The following HELZ variants were observed in gnomAD, a reference collection of about 807,000 sequenced individuals.
HELZ encodes helicase with zinc finger, also known as ATP-dependent RNA helicase with zinc finger domain.
In HELZ, 23 loss-of-function variants were observed where a neutral mutation model predicts 218.2. The observed-to-expected ratio is 0.11, with a 90% CI of 0.08 to 0.15. HELZ has a LOEUF of 0.15. Ranked by LOEUF, HELZ falls within the 10% of genes least tolerant of loss-of-function variation. The pLI is 1.00. For synonymous variants in HELZ, 814 were observed against 829.4 expected (o/e 0.98, Z 0.32); for missense variants, 1,813 against 2,353.7 (o/e 0.77, Z 4.75).
chr17:67,228,967 C>G (rs1398661342), intron 3 of HELZ, among the ~76,000 whole-genome samples: 1 of 152,116 alleles, frequency 6.6e-6, no homozygotes, highest in Non-Finnish European at 1.5e-5. Flanking sequence ...ATCCGCCCGC[C>G]TCGGCCACCC....
chr17:67,122,924 C>T, intron 26 of HELZ, 46 bp downstream of exon 26: 2 of 1,384,838 alleles, frequency 1.4e-6, no homozygotes, highest in Non-Finnish European at 2.0e-6. Context: ...TTTAGTGAAA[C>T]CTATTTTACT....
At position 67,166,006 on chromosome 17, in the gene HELZ, T is replaced by C. The variant is rs529417222; in HGVS notation, c.1895+472A>G. Among the ~76,000 whole-genome samples the C allele has an allele frequency of 2.6e-5, 4 of 152,230 alleles. No homozygotes were observed. In the South Asian group the frequency reaches 6.2e-4, roughly 24 times the overall value. ...TTTTAATCAGCCAGACACAGTGGCA[T>C]GTGTCTATAATCCTAGCTACTCAGA... On this transcript the variant is annotated intron_variant, in intron 15 of 32. Transcript: ENST00000358691.
At chr17:67,101,551 A>G (rs1007894437) in intron 31 of HELZ, among the ~76,000 whole-genome samples, 1 of 152,234 alleles carries the variant, frequency 6.6e-6, no homozygotes, top group African/African-American at 2.4e-5. Context: ...TCTTACTCAG[A>G]GGTTAGAGTA....
chr17:67,211,524 A>G (rs1007733830), intron 5 of HELZ, among the ~76,000 whole-genome samples: 16 of 152,136 alleles, frequency 1.1e-4, no homozygotes, highest in African/African-American at 3.1e-4. Context: ...TTATTATATC[A>G]TTTACTCTAC....
At chr17:67,092,497 ACAGC>A (rs2036601828) in intron 31 of HELZ, among the ~76,000 whole-genome samples, 1 of 152,224 alleles carries the variant, frequency 6.6e-6, no homozygotes, top group African/African-American at 2.4e-5. Flanking sequence ...ACAGTGGGAC[ACAGC>A]CAGCCAGGTA....
intron 1 of HELZ, 162 bp downstream of exon 1, chr17:67,244,986 G>C (rs909790303): frequency 1.0e-6 from 1 of 985,768 alleles, no homozygotes; most frequent in East Asian, 1.1e-4. Context: ...GAAGAGCCGC[G>C]CTTCCCAGGC....
rs552084224 is a variant in HELZ, at chr17:67,211,457, T to A, written c.247+4442A>T. 1.2e-3 allele frequency among the ~76,000 whole-genome samples: 181 copies of A among 152,282 alleles called. No individual in the cohort carries two copies. The Middle Eastern group carries it at 0.014, about 11-fold the overall frequency. The stretch of plus-strand genomic sequence containing the variant: ...TTATTCTTAAATATTTCAGAAAAAA[T>A]GAAGTAAATATGGCAAAACATTAGT... On this transcript the variant is annotated intron_variant, in intron 5 of 32. Coordinates refer to ENST00000358691, the MANE Select transcript of HELZ (RefSeq NM_014877.4).
chr17:67,123,214 A>G, intron 25 of HELZ, 54 bp from the exon 26 acceptor site: 1 of 1,050,812 alleles, frequency 9.5e-7, no homozygotes. Context: ...AGTCATCCAG[A>G]AAAAATAATT....
intron 32 of HELZ, among the ~76,000 whole-genome samples, chr17:67,083,506 T>C (rs2036262576): frequency 6.6e-6 from 1 of 152,128 alleles, no homozygotes; most frequent in Admixed American, 6.5e-5. Context: ...CGGGCGCCTG[T>C]AATCCCAGCT....
At chr17:67,212,314 C>CAAAA (rs10692832) in intron 5 of HELZ, among the ~76,000 whole-genome samples, 5,676 of 21,240 alleles carry the variant, frequency 0.27, 1,604 homozygotes, top group South Asian at 0.37. Context: ...GACACCATCT[C>CAAAA]AAAAAAAAAA....
intron 5 of HELZ, among the ~76,000 whole-genome samples, chr17:67,209,096 C>G (rs1183000196): frequency 5.7e-5 from 8 of 141,314 alleles, no homozygotes; most frequent in Non-Finnish European, 1.2e-4. Flanking sequence ...TGAACTGCGT[C>G]TCTATTTTAA....
Position 67,163,458 on chromosome 17 carries a change from G to C in HELZ, c.1896-2382C>G, listed in dbSNP as rs542235421. Among the ~76,000 whole-genome samples the C allele has an allele frequency of 9.1e-4, 138 of 151,988 alleles. 1 individual carries two copies. The highest frequency in any genetic ancestry group is 7.3e-3 in the Admixed American group (112 of 15,284). ...CTGTCGCCCAGGCTGGAGTGCAGTG[G>C]CGCGATCTCGGTTCACTGCAAGCTC... On this transcript the variant is annotated intron_variant, in intron 15 of 32. Transcript: ENST00000358691.
rs372946745 is a variant in HELZ at position 67,195,944 on chromosome 17, C to T, written c.430-474G>A. ...TCAGCTCACTGCAACCTCCACCCCCCGGGTTCAAGTGATTCTCCTGCCTCA... is the reference window on the plus strand; with the variant it reads ...TCAGCTCACTGCAACCTCCACCCCCTGGGTTCAAGTGATTCTCCTGCCTCA... On this transcript the variant is annotated intron_variant, in intron 7 of 32. Transcript: ENST00000358691. Among the ~76,000 whole-genome samples the T allele has an allele frequency of 1.3e-4, 19 of 150,930 alleles. No individual in the cohort carries two copies. In the East Asian group the frequency reaches 2.1e-3, roughly 17 times the overall value.
intron 1 of HELZ, chr17:67,244,630 G>T (rs1239144559): frequency 1.0e-6 from 1 of 952,956 alleles, no homozygotes; most frequent in African/African-American, 1.8e-5. Flanking sequence ...GCCCTCCGCG[G>T]GGGAGGGAGG....
intron 6 of HELZ, 152 bp downstream of exon 6, chr17:67,203,167 G>A (rs2040211201): frequency 1.5e-6 from 1 of 664,320 alleles, no homozygotes. Flanking sequence ...AAGAAAAATG[G>A]GTACTATATC....
At chr17:67,183,427 A>G (rs1378637166) in intron 12 of HELZ, among the ~76,000 whole-genome samples, 1 of 152,148 alleles carries the variant, frequency 6.6e-6, no homozygotes, top group Non-Finnish European at 1.5e-5. Context: ...TTTTTCTATT[A>G]CTTTTCTGAT....
intron 7 of HELZ, chr17:67,200,497 G>GGAGGCA: frequency 6.6e-6 from 1 of 152,386 alleles, no homozygotes; most frequent in East Asian, 1.9e-4. Flanking sequence ...CAGCACTTTG[G>GGAGGCA]GAGGCAGAGG....
chr17:67,214,365 A>T (rs2040540186), intron 5 of HELZ, among the ~76,000 whole-genome samples: 1 of 143,780 alleles, frequency 7.0e-6, no homozygotes, highest in Admixed American at 7.6e-5. Context: ...TCTCAGGTTC[A>T]AATGATTTGC....
chr17:67,083,880 G>T (rs1186008560), intron 32 of HELZ, among the ~76,000 whole-genome samples: 1 of 152,178 alleles, frequency 6.6e-6, no homozygotes, highest in African/African-American at 2.4e-5. Context: ...AGTGTATTCA[G>T]TGTCAAAACG....
Sources: allele counts gnomAD v4.1 joint callset (sites outside exome capture counted in the v4.1 genomes callset), GRCh38; gene constraint gnomAD v4.1.1; transcripts MANE v1.5; gene names NCBI Gene and HGNC (gene_info 2026-07-23, HGNC 2026-07-21).